Variants in PDE9A observed in about 807,000 individuals in gnomAD.
The protein encoded by PDE9A is phosphodiesterase 9A, also known as high affinity cGMP-specific 3',5'-cyclic phosphodiesterase 9A.
In PDE9A, 60 loss-of-function variants were observed where a neutral mutation model predicts 87.4. The observed-to-expected ratio is 0.69, with a 90% CI of 0.56 to 0.85. PDE9A has a LOEUF of 0.85. PDE9A is among the 40% of genes least tolerant of loss of function. The pLI, the probability that PDE9A is intolerant of heterozygous loss-of-function variation, is 0.00. For synonymous variants in PDE9A, 272 were observed against 279.4 expected (o/e 0.97, Z 0.27); for missense variants, 665 against 779.0 (o/e 0.85, Z 1.74).
In PDE9A at chr21:42,722,751, T is replaced by C. The variant is rs180716312; in HGVS notation, c.263-9019T>C. Among the ~76,000 whole-genome samples, 35 of 152,322 alleles carry C rather than the reference T, an allele frequency of 2.3e-4. No homozygotes were observed. Among genetic ancestry groups the C allele is most frequent in the Admixed American group, 5.2e-4 (8 of 15,296 alleles). On this transcript the variant is annotated intron_variant, in intron 4 of 19. Coordinates refer to ENST00000291539, the MANE Select transcript of PDE9A (RefSeq NM_002606.3). This position sits in a 1 kb window ranked among gnomAD's most constrained non-coding sequence, Gnocchi z 4.1. ...TCTTCAGCACAAGATAAAAAGGAGATAGGCAAATCAGCTGGCTGGCCAATC... is the reference window on the plus strand; with the variant it reads ...TCTTCAGCACAAGATAAAAAGGAGACAGGCAAATCAGCTGGCTGGCCAATC...
chr21:42,715,548 C>T (rs546358992), intron 4 of PDE9A, among the ~76,000 whole-genome samples: 3 of 151,500 alleles, frequency 2.0e-5, no homozygotes, highest in East Asian at 1.9e-4. Flanking sequence ...ATCCGGAAGG[C>T]GGAGGTTGCA....
intron 7 of PDE9A, among the ~76,000 whole-genome samples, chr21:42,740,742 A>AG (rs1569229017): frequency 7.0e-5 from 10 of 142,640 alleles, no homozygotes; most frequent in African/African-American, 1.1e-4. Context: ...ATAGATAGAT[A>AG]GATAGATAAA....
At chr21:42,769,408 GCA>G (rs72304726) in intron 17 of PDE9A, among the ~76,000 whole-genome samples, 62,406 of 143,344 alleles carry the variant, frequency 0.44, 13,761 homozygotes, top group African/African-American at 0.6. Flanking sequence ...CACACACACG[GCA>G]CACACAGGCA....
At chr21:42,701,912 T>G (rs2048417510) in intron 4 of PDE9A, among the ~76,000 whole-genome samples, 1 of 152,252 alleles carries the variant, frequency 6.6e-6, no homozygotes, top group Admixed American at 6.5e-5. Context: ...TCTGGCAACT[T>G]AAGATGTTTT....
In PDE9A at chr21:42,731,953, A is replaced by T; in HGVS notation, c.442+4A>T. On this transcript the variant is annotated splice_donor_region_variant and intron_variant, in intron 5 of 19. Transcript: ENST00000291539. ...GAAGGCCAGCGCATCCCTCCAGGTA[A>T]CGGGCAGCTCCTCGGCCACAGCCTC... is the stretch of plus-strand genomic sequence containing the variant. 6.2e-7 allele frequency: 1 copy of T among 1,613,206 alleles called. No individual in the cohort carries two copies. The highest frequency in any genetic ancestry group is 8.5e-7 in the Non-Finnish European group (1 of 1,179,420).
intron 4 of PDE9A, among the ~76,000 whole-genome samples, chr21:42,710,195 G>C (rs1021355157): frequency 2.6e-5 from 4 of 152,074 alleles, no homozygotes; most frequent in African/African-American, 9.7e-5. Context: ...ATCACTTGAG[G>C]TCAGGAGTTC....
intron 4 of PDE9A, among the ~76,000 whole-genome samples, chr21:42,710,727 C>T (rs1426937564): frequency 6.6e-6 from 1 of 152,234 alleles, no homozygotes; most frequent in African/African-American, 2.4e-5. Flanking sequence ...GTGGCTCACG[C>T]CTGTAATCCT....
chr21:42,731,934 C>T lies in PDE9A; in HGVS notation c.427C>T (p.Gln143Ter). 1.9e-6 allele frequency: 3 copies of T among 1,613,756 alleles called. No individual in the cohort carries two copies. Among genetic ancestry groups the T allele is most frequent in the Non-Finnish European group, 2.5e-6 (3 of 1,179,744 alleles). Reference sequence around the variant, plus strand: ...GCCCCAGGGCTGCTACCAGGAAGGCCAGCGCATCCCTCCAGGTAACGGGCA... The same window carrying T: ...GCCCCAGGGCTGCTACCAGGAAGGCTAGCGCATCCCTCCAGGTAACGGGCA... ...REPQGCYQEG[Q>*]RIPPEREELI... Residue 143 changes from glutamine (Q) to a stop codon, truncating the protein, a stop_gained, in exon 5 of 20, where the codon CAG (glutamine) becomes TAG (stop). Coordinates refer to ENST00000291539, the MANE Select transcript of PDE9A (RefSeq NM_002606.3). LOFTEE classifies it high-confidence loss of function.
In PDE9A at chr21:42,675,728, C is replaced by T. The variant is rs2058812619; in HGVS notation, c.70-10464C>T. Among the ~76,000 whole-genome samples the T allele has an allele frequency of 6.6e-6, 1 of 152,210 alleles. No homozygotes were observed. The highest frequency in any genetic ancestry group is 1.5e-5 in the Non-Finnish European group (1 of 68,034). On this transcript the variant is annotated intron_variant, in intron 1 of 19. Coordinates refer to ENST00000291539, the MANE Select transcript of PDE9A (RefSeq NM_002606.3). The surrounding 1 kb of genome is among the most constrained non-coding windows in gnomAD (Gnocchi z 4.3). Reference sequence around the variant, plus strand: ...CGGAGAGATCTGTGTACCCTCCACCCAGTCTCCCCTACTGGGACTGTCGTG... The same window carrying T: ...CGGAGAGATCTGTGTACCCTCCACCTAGTCTCCCCTACTGGGACTGTCGTG...
At chr21:42,688,407 G>A (rs577439554) in intron 3 of PDE9A, among the ~76,000 whole-genome samples, 1 of 152,320 alleles carries the variant, frequency 6.6e-6, no homozygotes, top group African/African-American at 2.4e-5. Context: ...TGTTCATAAA[G>A]TGATGCCTGT....
At chr21:42,768,848 C>G in intron 16 of PDE9A, 179 bp from the exon 17 acceptor site, 2 of 985,032 alleles carry the variant, frequency 2.0e-6, no homozygotes, top group Non-Finnish European at 2.4e-6. Context: ...GACCTGCACG[C>G]CCAGCTCTGT....
intron 4 of PDE9A, among the ~76,000 whole-genome samples, chr21:42,716,293 T>G (rs1365753931): frequency 6.6e-6 from 1 of 151,770 alleles, no homozygotes; most frequent in Non-Finnish European, 1.5e-5. Flanking sequence ...ATGTTTAGTT[T>G]TGTAAGAAGC....
At chr21:42,666,527 A>G (rs1353862558) in intron 1 of PDE9A, among the ~76,000 whole-genome samples, 1 of 152,078 alleles carries the variant, frequency 6.6e-6, no homozygotes, top group African/African-American at 2.4e-5. Context: ...GTCACAAAGG[A>G]CCACAGGCCC....
At chr21:42,677,414 G>A (rs1254784195) in intron 1 of PDE9A, among the ~76,000 whole-genome samples, 1 of 152,172 alleles carries the variant, frequency 6.6e-6, no homozygotes, top group African/African-American at 2.4e-5. Flanking sequence ...GGGATTTGGA[G>A]AGGAAACTAA....
chr21:42,727,370 C>T (rs1047123948), intron 4 of PDE9A, among the ~76,000 whole-genome samples: 3 of 152,018 alleles, frequency 2.0e-5, no homozygotes, highest in African/African-American at 7.3e-5. Context: ...GTCCCTGAGG[C>T]TGGAGTGCAG....
intron 4 of PDE9A, among the ~76,000 whole-genome samples, chr21:42,726,798 T>C (rs2051166223): frequency 1.3e-5 from 2 of 150,252 alleles, no homozygotes; most frequent in African/African-American, 4.9e-5. Context: ...ACATGGTCAT[T>C]GCTAAGCTTT....
At chr21:42,746,409 A>G (rs1049366372) in intron 8 of PDE9A, among the ~76,000 whole-genome samples, 14 of 152,220 alleles carry the variant, frequency 9.2e-5, no homozygotes, top group African/African-American at 3.4e-4. Flanking sequence ...TGAAGGCCCC[A>G]GGGGAGGGAC....
At position 42,677,579 on chromosome 21, in the gene PDE9A, G is replaced by A. The variant is rs56033020; in HGVS notation, c.70-8613G>A. Among the ~76,000 whole-genome samples the A allele has an allele frequency of 4.2e-3, 640 of 152,148 alleles. 6 individuals are homozygous for A. The highest frequency in any genetic ancestry group is 0.014 in the African/African-American group (594 of 41,526). ...CACATCAACACTGTTCTTTTGTGAC[G>A]GTGCTGCTGTCTTTCATTCGCCAGC... On this transcript the variant is annotated intron_variant, in intron 1 of 19. Transcript: ENST00000291539.
intron 1 of PDE9A, among the ~76,000 whole-genome samples, chr21:42,679,224 G>A (rs1441430131): frequency 2.6e-5 from 4 of 152,174 alleles, no homozygotes; most frequent in African/African-American, 4.8e-5. Context: ...ATGCCTGCCC[G>A]CAGGCTGCTG....
Sources: allele counts gnomAD v4.1 joint callset (sites outside exome capture counted in the v4.1 genomes callset), GRCh38; gene constraint gnomAD v4.1.1; non-coding constraint Gnocchi (gnomAD v3.1); transcripts MANE v1.5; gene names NCBI Gene and HGNC (gene_info 2026-07-23, HGNC 2026-07-21).